XPO6: variants seen among roughly 807,000 people sequenced by gnomAD.
The protein encoded by XPO6 is exportin 6.
In XPO6, 3 loss-of-function variants were observed where a neutral mutation model predicts 130.0. That is an observed-to-expected ratio of 0.02 (90% CI 0.01 to 0.06). XPO6 has a LOEUF of 0.06. XPO6 is among the 10% of genes least tolerant of loss of function. XPO6 has a pLI of 1.00. For missense variants in XPO6, 970 were observed against 1,393.0 expected (o/e 0.70, Z 4.83); for synonymous variants, 524 against 548.9 (o/e 0.95, Z 0.63).
chr16:28,100,510 T>C (rs2086633406), intron 23 of XPO6, among the ~76,000 whole-genome samples: 2 of 152,234 alleles, frequency 1.3e-5, no homozygotes, highest in South Asian at 4.1e-4. Context: ...AAAGCTTCCC[T>C]GCCACACGTG....
chr16:28,098,530 T>G lies in XPO6; in HGVS notation c.*8A>C, dbSNP rs1459620605. 3.1e-6 allele frequency: 5 copies of G among 1,604,838 alleles called. No homozygotes were observed. Among genetic ancestry groups the G allele is most frequent in the Non-Finnish European group, 3.4e-6 (4 of 1,174,050 alleles). ...AGCAGAAGTCCGTGTCCCCAGGCAG[T>G]AGCAGGCCTAGAGCTTCACAGTGCC... On this transcript the variant is annotated 3_prime_UTR_variant, in exon 24 of 24. Transcript: ENST00000304658.
Position 28,152,701 on chromosome 16 carries a change from C to T in XPO6, c.1182G>A (p.Val394=). Residue 394 remains valine (V), a synonymous_variant, in exon 8 of 24, where the codon GTG becomes GTA. Transcript: ENST00000304658. ...TGAACAAAAGTGTCAAAAACTCCAC[C>T]ACAGGGAACTGGGAGTAAGACTCGA... The part of the protein sequence containing the change: ...RRIESYSQFP[V]VEFLTLLFKY... 5.0e-6 allele frequency: 8 copies of T among 1,613,138 alleles called. No homozygotes were observed. The highest frequency in any genetic ancestry group is 6.8e-6 in the Non-Finnish European group (8 of 1,179,712).
At chr16:28,134,164 C>G (rs981008963) in intron 10 of XPO6, among the ~76,000 whole-genome samples, 1 of 152,300 alleles carries the variant, frequency 6.6e-6, no homozygotes, top group African/African-American at 2.4e-5. Flanking sequence ...TATTTTCCCC[C>G]CTTTGGGTTA....
chr16:28,181,056 T>C, intron 1 of XPO6, 25 bp from the exon 2 acceptor site: 1 of 1,560,708 alleles, frequency 6.4e-7, no homozygotes, highest in Non-Finnish European at 8.8e-7. Context: ...TGAAAAAAAA[T>C]CAATAAGCTG....
chr16:28,136,210 T>C (rs1352710617), intron 9 of XPO6, among the ~76,000 whole-genome samples: 2 of 151,980 alleles, frequency 1.3e-5, no homozygotes, highest in Non-Finnish European at 2.9e-5. Context: ...TGAAGTGTTT[T>C]GTTTTGTTTT....
At chr16:28,125,995 A>C in intron 12 of XPO6, 147 bp from the exon 13 acceptor site, 1 of 940,288 alleles carries the variant, frequency 1.1e-6, no homozygotes, top group Non-Finnish European at 1.6e-6. Flanking sequence ...GCTTCCCAGT[A>C]CTGAGCAGGG....
chr16:28,171,895 T>C (rs73525036), intron 4 of XPO6, among the ~76,000 whole-genome samples: 6,387 of 152,236 alleles, frequency 0.042, 461 homozygotes, highest in African/African-American at 0.15. Context: ...TTCCCATTAC[T>C]TCCTCCTTTT....
intron 23 of XPO6, 135 bp from the exon 24 acceptor site, chr16:28,098,774 T>C (rs2086588533): frequency 1.7e-6 from 1 of 593,826 alleles, no homozygotes; most frequent in Non-Finnish European, 2.9e-6. Flanking sequence ...TTCTATTCAC[T>C]GTTGCACTGC....
intron 17 of XPO6, among the ~76,000 whole-genome samples, 196 bp from the exon 18 acceptor site, chr16:28,107,873 C>T (rs546118616): frequency 6.6e-6 from 1 of 152,262 alleles, no homozygotes; most frequent in African/African-American, 2.4e-5. Context: ...ACTATTATTA[C>T]TGCCAGGACT....
chr16:28,154,920 A>G (rs2043159893), intron 7 of XPO6, among the ~76,000 whole-genome samples: 1 of 152,268 alleles, frequency 6.6e-6, no homozygotes, highest in Admixed American at 6.5e-5. Flanking sequence ...AAGTGTGAAT[A>G]ATGATGCCTT....
intron 23 of XPO6, among the ~76,000 whole-genome samples, chr16:28,100,504 C>G (rs1156888293): frequency 6.6e-6 from 1 of 152,210 alleles, no homozygotes. Flanking sequence ...TAAGCAAAAG[C>G]TTCCCTGCCA....
intron 1 of XPO6, among the ~76,000 whole-genome samples, chr16:28,197,792 G>A (rs370009831): frequency 2.0e-5 from 3 of 151,430 alleles, no homozygotes; most frequent in East Asian, 1.9e-4. Context: ...GGTGGCGGGC[G>A]CCTGCAGTAC....
intron 4 of XPO6, among the ~76,000 whole-genome samples, chr16:28,172,426 T>C (rs9923882): frequency 0.29 from 43,744 of 152,020 alleles, 6,407 homozygotes; most frequent in Middle Eastern, 0.34. Context: ...AATTCTCTCC[T>C]ATGCTGCTTG....
intron 8 of XPO6, among the ~76,000 whole-genome samples, chr16:28,151,829 G>C (rs1029484582): frequency 6.6e-6 from 1 of 152,124 alleles, no homozygotes; most frequent in Non-Finnish European, 1.5e-5. Flanking sequence ...GGTGTTCAAA[G>C]TCAGCCTCGT....
intron 2 of XPO6, among the ~76,000 whole-genome samples, chr16:28,178,173 T>C (rs141234512): frequency 5.3e-5 from 8 of 152,266 alleles, no homozygotes; most frequent in African/African-American, 1.7e-4. Context: ...TAGAAAGCCT[T>C]TGGAAAAGCA....
intron 8 of XPO6, 76 bp downstream of exon 8, chr16:28,152,583 A>G: frequency 6.5e-7 from 1 of 1,529,244 alleles, no homozygotes; most frequent in Non-Finnish European, 8.8e-7. Flanking sequence ...AAGTTGAAAG[A>G]AAAAGTTCTT....
chr16:28,099,847 T>C (rs748779138), intron 23 of XPO6, among the ~76,000 whole-genome samples: 18 of 152,184 alleles, frequency 1.2e-4, no homozygotes, highest in Non-Finnish European at 2.5e-4. Flanking sequence ...AAGGTGGTGA[T>C]TCTTTTATTT....
Position 28,106,260 on chromosome 16 carries a change from G to C in XPO6, c.2613-46C>G. 6.2e-7 allele frequency: 1 copy of C among 1,608,534 alleles called. No homozygotes were observed. Among genetic ancestry groups the C allele is most frequent in the South Asian group, 1.1e-5 (1 of 90,924 alleles). On this transcript the variant is annotated intron_variant, in intron 19 of 23. Transcript: ENST00000304658. The surrounding 1 kb of genome is among the most constrained non-coding windows in gnomAD (Gnocchi z 4.2). ...CAGTGAGCAACCACATGTTTCTCTG[G>C]GGGCCAGCATGAAAACCCATGCTGT...
At chr16:28,177,372 T>G (rs370790358) in intron 2 of XPO6, 40 bp from the exon 3 acceptor site, 119 of 1,244,876 alleles carry the variant, frequency 9.6e-5, no homozygotes, top group African/African-American at 1.4e-4. Flanking sequence ...GCTATGAAAA[T>G]ACATGAAATT....
Sources: gnomAD v4.1 joint callset for allele counts (sites outside exome capture counted in the v4.1 genomes callset) on GRCh38, gnomAD v4.1.1 for gene constraint, Gnocchi (gnomAD v3.1) non-coding constraint, MANE v1.5 for transcripts, NCBI Gene and HGNC (gene_info 2026-07-23, HGNC 2026-07-21) for gene names.